SYT11: variants seen among roughly 807,000 people sequenced by gnomAD.
SYT11 encodes synaptotagmin-11.
Under a neutral mutation model 30.4 loss-of-function variants are expected in SYT11, and 12 were observed. The ratio of observed to expected loss-of-function variants is 0.39; its 90% CI spans 0.25 to 0.64. SYT11 has a LOEUF of 0.64. Among genes scored for constraint, SYT11 ranks in the 30% least tolerant of loss-of-function variants. The pLI is 0.45. For synonymous variants in SYT11, 204 were observed against 216.0 expected (o/e 0.94, Z 0.49); for missense variants, 412 against 552.0 (o/e 0.75, Z 2.54).
At position 155,872,681 on chromosome 1, in the gene SYT11, A is replaced by G. The variant is rs193273884; in HGVS notation, c.861+3890A>G. On this transcript the variant is annotated intron_variant, in intron 2 of 3. Transcript: ENST00000368324. The stretch of plus-strand genomic sequence containing the variant: ...AAACAGAGCTTGCTCACAGCCTTCA[A>G]TGGCTCTTTCAAAAGAAAGAGCCAT... Among the ~76,000 whole-genome samples the G allele has an allele frequency of 2.5e-3, 384 of 152,292 alleles. 2 individuals are homozygous for G. Among genetic ancestry groups the G allele is most frequent in the Non-Finnish European group, 3.7e-3 (249 of 68,016 alleles).
chr1:155,864,797 G>A (rs969756741), intron 1 of SYT11, among the ~76,000 whole-genome samples: 14 of 141,526 alleles, frequency 9.9e-5, no homozygotes, highest in African/African-American at 3.5e-4. Flanking sequence ...TGCAGCCTCC[G>A]CCTCCGAGGT....
At chr1:155,878,178 G>A (rs1007119890) in intron 2 of SYT11, among the ~76,000 whole-genome samples, 2 of 148,632 alleles carry the variant, frequency 1.3e-5, no homozygotes, top group African/African-American at 5.0e-5. Context: ...AGGAGGTGGA[G>A]GTTGCAGAAA....
chr1:155,881,075 G>A (rs1164264390), intron 3 of SYT11, 123 bp from the exon 4 acceptor site: 3 of 1,028,668 alleles, frequency 2.9e-6, no homozygotes, highest in South Asian at 1.6e-5. Context: ...AAGAACACAT[G>A]GGATGGCCAT....
At chr1:155,863,807 G>C (rs1462185461) in intron 1 of SYT11, among the ~76,000 whole-genome samples, 1 of 151,920 alleles carries the variant, frequency 6.6e-6, no homozygotes, top group Non-Finnish European at 1.5e-5. Context: ...GGTAATCCCA[G>C]CTACTCAGGA....
chr1:155,868,393 G>A lies in SYT11; in HGVS notation c.463G>A (p.Asp155Asn). ...CACCTCTCCATCATCTCCAGAGGAG[G>A]ATGTCATGCTAGGATCCCTCACCTT... ...KTTSPSSPEEDVMLGSLTFSV... is the reference protein window; with the variant it reads ...KTTSPSSPEENVMLGSLTFSV... Residue 155 changes from aspartate to asparagine, a missense_variant, in exon 2 of 4, where the codon GAT (aspartate) becomes AAT (asparagine). Physicochemically the swap from Asp to Asn is conservative, Grantham distance 23 (BLOSUM62 1). Transcript: ENST00000368324. This position sits in a 1 kb window ranked among gnomAD's most constrained non-coding sequence, Gnocchi z 4.7. 6.2e-7 allele frequency: 1 copy of A among 1,613,926 alleles called. No homozygotes were observed. The highest frequency in any genetic ancestry group is 8.5e-7 in the Non-Finnish European group (1 of 1,179,932).
chr1:155,862,620 C>T (rs958827967), intron 1 of SYT11, among the ~76,000 whole-genome samples: 2 of 152,184 alleles, frequency 1.3e-5, no homozygotes, highest in African/African-American at 4.8e-5. Flanking sequence ...AATATGTAAG[C>T]AGCAGTGGGT....
chr1:155,873,847 T>C (rs1051826492), intron 2 of SYT11, among the ~76,000 whole-genome samples: 2 of 152,224 alleles, frequency 1.3e-5, no homozygotes, highest in African/African-American at 4.8e-5. Flanking sequence ...TCTGAATGTT[T>C]TGGAATCCAT....
At chr1:155,865,104 G>A (rs578218333) in intron 1 of SYT11, among the ~76,000 whole-genome samples, 67 of 152,156 alleles carry the variant, frequency 4.4e-4, no homozygotes, top group Admixed American at 2.0e-3. Flanking sequence ...GTTCTAGGAC[G>A]TGGAACTATA....
At chr1:155,859,853 G>A in intron 1 of SYT11, 58 bp downstream of exon 1, 2 of 1,529,954 alleles carry the variant, frequency 1.3e-6, no homozygotes, top group Non-Finnish European at 9.1e-7. Context: ...AAGGCCAAGG[G>A]GGCCCAGCGG....
At chr1:155,865,083 C>CAGT (rs2102555055) in intron 1 of SYT11, among the ~76,000 whole-genome samples, 1 of 152,270 alleles carries the variant, frequency 6.6e-6, no homozygotes, top group East Asian at 1.9e-4. Flanking sequence ...ACGCTTACTA[C>CAGT]ATGCCGCATA....
intron 2 of SYT11, among the ~76,000 whole-genome samples, chr1:155,874,152 T>G (rs1200722378): frequency 6.6e-6 from 1 of 152,104 alleles, no homozygotes; most frequent in African/African-American, 2.4e-5. Flanking sequence ...TTCACGCCGG[T>G]AATCCCAGCT....
intron 2 of SYT11, among the ~76,000 whole-genome samples, chr1:155,871,894 G>A (rs925772673): frequency 5.9e-5 from 9 of 152,050 alleles, no homozygotes; most frequent in Admixed American, 2.6e-4. Flanking sequence ...GGCTGCAAAT[G>A]TCTATCCCAA....
Position 155,881,576 on chromosome 1 carries a change from C to A in SYT11, c.*68C>A. 1 of 1,446,246 alleles carries A rather than the reference C, an allele frequency of 6.9e-7. No homozygotes were observed. Among genetic ancestry groups the A allele is most frequent in the Non-Finnish European group, 9.3e-7 (1 of 1,073,860 alleles). 89.6% of individuals were successfully genotyped at this position (1,446,246 alleles called of 1,614,324 possible). A position where few individuals can be genotyped will look rare whatever the true frequency, so the allele number is the denominator to read the frequency against. ...AGGGATGTGGAGGGGAAAAAGATGA[C>A]AGAGAAGTGGACTCCAAACCTCATT... On this transcript the variant is annotated 3_prime_UTR_variant, in exon 4 of 4. Transcript: ENST00000368324.
In SYT11 at chr1:155,884,485, T is replaced by C. The variant is rs1454217796; in HGVS notation, c.*2977T>C. On this transcript the variant is annotated 3_prime_UTR_variant, in exon 4 of 4. Transcript: ENST00000368324. ...ACCTCAGGCCTGATCCATCGTGCCC[T>C]TGACTTTGCCGTCTCAAAGTTTCTT... 4 of 152,924 alleles carry C rather than the reference T, an allele frequency of 2.6e-5. No individual in the cohort carries two copies. Among genetic ancestry groups the C allele is most frequent in the African/African-American group, 9.6e-5 (4 of 41,478 alleles). The allele number at this position is 152,924 out of a possible 1,614,324, so 9.5% of individuals were successfully genotyped here. A position where few individuals can be genotyped will look rare whatever the true frequency, so the allele number is the denominator to read the frequency against.
chr1:155,869,263 C>CTTTTTTTTTTTT (rs767071892), intron 2 of SYT11, among the ~76,000 whole-genome samples: 3 of 83,880 alleles, frequency 3.6e-5, no homozygotes, highest in Admixed American at 1.8e-4. Flanking sequence ...ATGTACATGT[C>CTTTTTTTTTTTT]TTTTTTTTTT....
chr1:155,868,693 G>T lies in SYT11; in HGVS notation c.763G>T (p.Asp255Tyr). The change falls in exon 2 of 4, where the codon GAT becomes TAT. Residue 255 changes from aspartate to tyrosine, a missense_variant. Coordinates refer to ENST00000368324, the MANE Select transcript of SYT11 (RefSeq NM_152280.5). The surrounding 1 kb of genome is among the most constrained non-coding windows in gnomAD (Gnocchi z 4.7). ...CCTCAGCTTTGACCGCTTCTCTCGG[G>T]ATGATGTCATTGGCGAGGTCATGGT... Reference protein sequence around the residue: ...LVLSFDRFSRDDVIGEVMVPL... With the variant: ...LVLSFDRFSRYDVIGEVMVPL... 2 of 1,614,230 alleles carry T rather than the reference G, an allele frequency of 1.2e-6. No homozygotes were observed. Among genetic ancestry groups the T allele is most frequent in the Non-Finnish European group, 1.7e-6 (2 of 1,180,046 alleles).
chr1:155,862,873 G>C (rs894635103), intron 1 of SYT11, among the ~76,000 whole-genome samples: 13 of 152,138 alleles, frequency 8.5e-5, no homozygotes, highest in Admixed American at 2.0e-4. Flanking sequence ...ACTTCCTTAG[G>C]CTGTGCCCAT....
chr1:155,862,823 A>G (rs907530998), intron 1 of SYT11, among the ~76,000 whole-genome samples: 1 of 152,238 alleles, frequency 6.6e-6, no homozygotes, highest in African/African-American at 2.4e-5. Context: ...TGAGTAGCAA[A>G]CAATTTGCAG....
At chr1:155,878,290 T>C (rs1672901707) in intron 2 of SYT11, among the ~76,000 whole-genome samples, 1 of 152,098 alleles carries the variant, frequency 6.6e-6, no homozygotes, top group Non-Finnish European at 1.5e-5. Flanking sequence ...CCTCCTCTTG[T>C]ATGGGTGCTG....
Sources: allele counts gnomAD v4.1 joint callset (sites outside exome capture counted in the v4.1 genomes callset), GRCh38; gene constraint gnomAD v4.1.1; non-coding constraint Gnocchi (gnomAD v3.1); transcripts MANE v1.5; gene names NCBI Gene and HGNC (gene_info 2026-07-23, HGNC 2026-07-21).